Variants in VPS13B observed in about 807,000 individuals in gnomAD.
VPS13B encodes the protein vacuolar protein sorting 13 homolog B.
Under a neutral mutation model 426.4 loss-of-function variants are expected in VPS13B, and 285 were observed. That is an observed-to-expected ratio of 0.67 (90% CI 0.61 to 0.74). The LOEUF (loss-of-function observed/expected upper bound fraction) is 0.74, where lower values mean the gene tolerates loss of function less well. VPS13B is among the 30% of genes least tolerant of loss of function. The pLI, the probability that VPS13B is intolerant of heterozygous loss-of-function variation, is 0.00. For missense variants in VPS13B, 4,537 were observed against 4,782.6 expected (o/e 0.95, Z 1.51); for synonymous variants, 1,676 against 1,676.4 (o/e 1.00, Z 0.01).
intron 19 of VPS13B, among the ~76,000 whole-genome samples, chr8:99,318,702 T>C (rs1265822294): frequency 6.6e-6 from 1 of 152,056 alleles, no homozygotes; most frequent in Admixed American, 6.6e-5. Context: ...TTTGTATTTT[T>C]ATTAGAGACG....
intron 40 of VPS13B, among the ~76,000 whole-genome samples, chr8:99,768,582 T>C (rs1811341412): frequency 6.6e-6 from 1 of 152,242 alleles, no homozygotes; most frequent in African/African-American, 2.4e-5. Context: ...TGTAGCCTCA[T>C]AGTCTTTTTC....
intron 30 of VPS13B, among the ~76,000 whole-genome samples, chr8:99,540,013 T>TTTTATA (rs1823478340): frequency 1.1e-4 from 3 of 27,118 alleles, no homozygotes; most frequent in Non-Finnish European, 1.9e-4. Context: ...TATAAATAAA[T>TTTTATA]TATATATATA....
At chr8:99,420,086 C>T (rs1816287339) in intron 21 of VPS13B, among the ~76,000 whole-genome samples, 1 of 152,168 alleles carries the variant, frequency 6.6e-6, no homozygotes, top group South Asian at 2.1e-4. Flanking sequence ...AGTGAAAGCA[C>T]TTCTTTCTTT....
At chr8:99,286,517 T>C (rs1357352640) in intron 19 of VPS13B, among the ~76,000 whole-genome samples, 1 of 152,156 alleles carries the variant, frequency 6.6e-6, no homozygotes, top group Admixed American at 6.6e-5. Context: ...TTTCCCTTAA[T>C]GGGGAAATGA....
chr8:99,519,124 G>A (rs1437549342), intron 29 of VPS13B, among the ~76,000 whole-genome samples: 1 of 152,144 alleles, frequency 6.6e-6, no homozygotes, highest in African/African-American at 2.4e-5. Context: ...CTGCATAAAT[G>A]TCTTCTTTTG....
intron 21 of VPS13B, among the ~76,000 whole-genome samples, chr8:99,406,707 A>T (rs531368665): frequency 1.3e-5 from 2 of 152,148 alleles, no homozygotes; most frequent in African/African-American, 4.8e-5. Flanking sequence ...TGGGTTGGGG[A>T]ATTGCAGGTA....
In VPS13B at chr8:99,757,690, C is replaced by G. The variant is rs1588687852; in HGVS notation, c.7051-9084C>G. Among the ~76,000 whole-genome samples, 7 of 152,256 alleles carry G rather than the reference C, an allele frequency of 4.6e-5. 2 individuals carry two copies. Among genetic ancestry groups the G allele is most frequent in the Admixed American group, 4.6e-4 (7 of 15,292 alleles). ...ATGCAAATCTTCCCAAATTAGCCAT[C>G]AAATGGAAACAAATTGTGGAATAAC... On this transcript the variant is annotated intron_variant, in intron 39 of 61. Transcript: ENST00000357162.
chr8:99,511,991 C>T (rs1345046941), intron 29 of VPS13B, among the ~76,000 whole-genome samples: 1 of 152,130 alleles, frequency 6.6e-6, no homozygotes, highest in African/African-American at 2.4e-5. Context: ...AAGATATTAG[C>T]CCAACATGGT....
intron 39 of VPS13B, among the ~76,000 whole-genome samples, chr8:99,750,608 G>C (rs1810344038): frequency 6.6e-6 from 1 of 152,082 alleles, no homozygotes. Context: ...CTTCTGGAGA[G>C]GGTTTTGAAC....
At position 99,324,890 on chromosome 8, in the gene VPS13B, G is replaced by T. The variant is rs1024687415; in HGVS notation, c.2824+49636G>T. Among the ~76,000 whole-genome samples the T allele has an allele frequency of 1.3e-4, 20 of 152,060 alleles. No homozygotes were observed. The East Asian group carries it at 3.7e-3, about 28-fold the overall frequency. On this transcript the variant is annotated intron_variant, in intron 19 of 61. Coordinates refer to ENST00000357162, the MANE Select transcript of VPS13B (RefSeq NM_152564.5). ...ATGGTTTTAAAAATTGTTGTATTTT[G>T]ATATTTTATTTTTAATTAAAGGCTC... is the stretch of plus-strand genomic sequence containing the variant.
At chr8:99,086,212 T>C (rs1056001546) in intron 3 of VPS13B, among the ~76,000 whole-genome samples, 1 of 152,226 alleles carries the variant, frequency 6.6e-6, no homozygotes, top group African/African-American at 2.4e-5. Context: ...ATTCATTTGA[T>C]CTCCCATCAC....
chr8:99,142,049 A>G (rs1810455633), intron 12 of VPS13B, among the ~76,000 whole-genome samples: 1 of 152,132 alleles, frequency 6.6e-6, no homozygotes. Context: ...ACTCTGTCTC[A>G]AAAATAAATA....
chr8:99,037,964 A>G (rs1842820737), intron 2 of VPS13B, among the ~76,000 whole-genome samples: 1 of 151,962 alleles, frequency 6.6e-6, no homozygotes, highest in African/African-American at 2.4e-5. Flanking sequence ...TTTTGAAGAC[A>G]TATTTTTAGA....
chr8:99,178,460 A>C (rs1002061271), intron 16 of VPS13B, among the ~76,000 whole-genome samples: 2 of 152,174 alleles, frequency 1.3e-5, no homozygotes, highest in Non-Finnish European at 2.9e-5. Flanking sequence ...CACTGCATAC[A>C]GGAAGTTTTT....
rs565298906 is a variant in VPS13B, at chr8:99,569,642, G to T, written c.4950-6016G>T. On this transcript the variant is annotated intron_variant, in intron 31 of 61. Coordinates refer to ENST00000357162, the MANE Select transcript of VPS13B (RefSeq NM_152564.5). ...CCCACAAAGGCATACCAAAATGTAT[G>T]ACAGATGGGCAGAAGAACCTTAGTG... Among the ~76,000 whole-genome samples the T allele has an allele frequency of 1.3e-4, 20 of 152,268 alleles. No homozygotes were observed. In the East Asian group the frequency reaches 3.5e-3, roughly 26 times the overall value.
intron 17 of VPS13B, among the ~76,000 whole-genome samples, chr8:99,237,143 C>T (rs938569838): frequency 5.3e-5 from 8 of 152,182 alleles, no homozygotes; most frequent in Non-Finnish European, 7.4e-5. Context: ...TCCCCAGCCA[C>T]ATGGAACTGT....
At chr8:99,864,545 CCT>C (rs1219588869) in intron 58 of VPS13B, among the ~76,000 whole-genome samples, 85 of 152,236 alleles carry the variant, frequency 5.6e-4, no homozygotes, top group African/African-American at 1.8e-3. Context: ...CAGAGTGAGA[CCT>C]TGTCTCAAAA....
At chr8:99,450,479 C>T (rs564780539) in intron 23 of VPS13B, among the ~76,000 whole-genome samples, 1 of 152,244 alleles carries the variant, frequency 6.6e-6, no homozygotes, top group East Asian at 1.9e-4. Context: ...ATTTGGGAGG[C>T]CAAGGTGGGC....
chr8:99,361,028 A>G (rs1231869428), intron 19 of VPS13B, among the ~76,000 whole-genome samples: 1 of 152,108 alleles, frequency 6.6e-6, no homozygotes, highest in African/African-American at 2.4e-5. Flanking sequence ...TTTAGGGGAG[A>G]CAACACTGGG....
Sources: allele counts gnomAD v4.1 joint callset (sites outside exome capture counted in the v4.1 genomes callset), GRCh38; gene constraint gnomAD v4.1.1; transcripts MANE v1.5; gene names NCBI Gene and HGNC (gene_info 2026-07-23, HGNC 2026-07-21).